The following SDR42E1 variants were observed in gnomAD, a reference collection of about 807,000 sequenced individuals.
The protein encoded by SDR42E1 is short chain dehydrogenase/reductase family 42E, member 1.
Under a neutral mutation model 2.6 loss-of-function variants are expected in SDR42E1, and 5 were observed. That is an observed-to-expected ratio of 1.94 (90% CI 1.01 to 4.08). The LOEUF (loss-of-function observed/expected upper bound fraction) is 4.08. SDR42E1 is among the 30% of genes most tolerant of loss of function. The pLI is 0.00. For missense variants in SDR42E1, 596 were observed against 478.6 expected (o/e 1.25, Z -2.29); for synonymous variants, 231 against 188.3 (o/e 1.23, Z -1.86).
rs564804072 is a variant in SDR42E1 at position 82,005,631 on chromosome 16, CTGTTT to C, written c.-26-4752_-26-4748del. Among the ~76,000 whole-genome samples the C allele has an allele frequency of 1.9e-3, 288 of 152,324 alleles. 2 individuals carry two copies. The highest frequency in any genetic ancestry group is 3.6e-3 in the Admixed American group (55 of 15,300). On this transcript the variant is annotated intron_variant, in intron 1 of 2. Transcript: ENST00000328945. Reference sequence around the variant, plus strand: ...CTGATTTTCATCTACTCTGTGGCTTCTGTTTTATTAATTAGTTTCTATCTGATTCC... The same window carrying C: ...CTGATTTTCATCTACTCTGTGGCTTCTATTAATTAGTTTCTATCTGATTCC...
rs200423929 is a variant in SDR42E1, at chr16:81,999,140, G to A, written c.1153C>T (p.Leu385=). ...FLLIIAVLMW[L]PSSVILSL ...AGTGACAGAATCACAGAAGAAGGCAGCCACATGAGAACTGCTATAATCAGG... is the reference window on the plus strand; with the variant it reads ...AGTGACAGAATCACAGAAGAAGGCAACCACATGAGAACTGCTATAATCAGG... Residue 385 remains leucine, a synonymous_variant, in exon 3 of 3, where the codon CTG becomes TTG. Transcript: ENST00000328945. 3.7e-6 allele frequency: 6 copies of A among 1,614,040 alleles called. No homozygotes were observed. The highest frequency in any genetic ancestry group is 5.1e-6 in the Non-Finnish European group (6 of 1,179,980).
In SDR42E1 at chr16:81,999,385, C is replaced by G. The variant is rs201484507; in HGVS notation, c.908G>C (p.Arg303Pro). The change falls in exon 3 of 3, where the codon CGA (arginine) becomes CCA (proline). Residue 303 changes from arginine (R) to proline (P), a missense_variant. Arg to Pro is a moderately radical substitution (Grantham distance 103). Coordinates refer to ENST00000328945, the MANE Select transcript of SDR42E1 (RefSeq NM_145168.3). The stretch of plus-strand genomic sequence containing the variant: ...GAGGAAGGGCTGGAAGTTGTAGAGT[C>G]GACCCAAAATGAAGTGAACCATCTC... ...LTEMVHFILG[R>P]LYNFQPFLTR... is the part of the protein sequence containing the mutation. 6 of 1,614,140 alleles carry G rather than the reference C, an allele frequency of 3.7e-6. No individual in the cohort carries two copies. In the East Asian group the frequency reaches 1.3e-4, roughly 36 times the overall value.
At chr16:82,002,211 G>A (rs1466207308) in intron 1 of SDR42E1, among the ~76,000 whole-genome samples, 1 of 152,214 alleles carries the variant, frequency 6.6e-6, no homozygotes, top group African/African-American at 2.4e-5. Flanking sequence ...TTGTATGGCA[G>A]AGAGGCTATG....
rs897524570 is a variant in SDR42E1 at position 81,999,523 on chromosome 16, C to T, written c.770G>A (p.Gly257Asp). ...ASGQPYFISD[G>D]RPVNNFEFFR... ...GAACTCAAAGTTGTTCACGGGTCTGCCATCTGAGATGAAGTAGGGCTGCCC... is the reference window on the plus strand; with the variant it reads ...GAACTCAAAGTTGTTCACGGGTCTGTCATCTGAGATGAAGTAGGGCTGCCC... The change falls in exon 3 of 3, where the codon GGC becomes GAC. Residue 257 changes from glycine to aspartate, a missense_variant. Coordinates refer to ENST00000328945, the MANE Select transcript of SDR42E1 (RefSeq NM_145168.3). The T allele has an allele frequency of 6.2e-7, 1 of 1,614,156 alleles. No homozygotes were observed. The highest frequency in any genetic ancestry group is 8.5e-7 in the Non-Finnish European group (1 of 1,180,026).
chr16:82,000,994 G>A (rs776573582), intron 1 of SDR42E1, 110 bp from the exon 2 acceptor site: 4 of 666,794 alleles, frequency 6.0e-6, no homozygotes, highest in African/African-American at 1.8e-5. Context: ...GAATGAAAAG[G>A]TGAGGTCTGG....
rs1912409995 is a variant in SDR42E1 at position 81,990,865 on chromosome 16, T to C, written c.*8246A>G. ...GACACTTCCACTGTGAAGTGCTTTGTAAAAAGTTCACCCTTCTTTGGGAGA... is the reference window on the plus strand; with the variant it reads ...GACACTTCCACTGTGAAGTGCTTTGCAAAAAGTTCACCCTTCTTTGGGAGA... On this transcript the variant is annotated 3_prime_UTR_variant, in exon 3 of 3. Transcript: ENST00000328945. 2.0e-5 allele frequency: 3 copies of C among 152,200 alleles called. No individual in the cohort carries two copies. Among genetic ancestry groups the C allele is most frequent in the South Asian group, 4.1e-4 (2 of 4,832 alleles). 9.4% of individuals were successfully genotyped at this position (152,200 alleles called of 1,614,324 possible).
chr16:82,003,333 TAGA>T (rs1912831575), intron 1 of SDR42E1, among the ~76,000 whole-genome samples: 1 of 152,230 alleles, frequency 6.6e-6, no homozygotes, highest in African/African-American at 2.4e-5. Flanking sequence ...CATTTGGATT[TAGA>T]GTAGCCATAA....
At position 81,992,182 on chromosome 16, in the gene SDR42E1, G is replaced by A. The variant is rs1315320722; in HGVS notation, c.*6929C>T. On this transcript the variant is annotated 3_prime_UTR_variant, in exon 3 of 3. Transcript: ENST00000328945. ...AAAAAAAAGAAAAAAAAATTAGAAA[G>A]CCTTATCCTGAGTAAACTCTCAACA... The A allele has an allele frequency of 6.6e-6, 1 of 152,194 alleles. No homozygotes were observed. The highest frequency in any genetic ancestry group is 2.4e-5 in the African/African-American group (1 of 41,434). The allele number at this position is 152,194 out of a possible 1,614,324, so 9.4% of individuals were successfully genotyped here.
At position 81,992,934 on chromosome 16, in the gene SDR42E1, G is replaced by C. The variant is rs1267711736; in HGVS notation, c.*6177C>G. ...CAGGGACTGGTTGACTCTATTTCTG[G>C]TTTGATTTTCAATAGCAAAAGGCTG... On this transcript the variant is annotated 3_prime_UTR_variant, in exon 3 of 3. Transcript: ENST00000328945. 1 of 152,090 alleles carries C rather than the reference G, an allele frequency of 6.6e-6. No homozygotes were observed. Among genetic ancestry groups the C allele is most frequent in the Non-Finnish European group, 1.5e-5 (1 of 68,030 alleles). 9.4% of individuals were successfully genotyped at this position (152,090 alleles called of 1,614,324 possible).
Position 81,989,050 on chromosome 16 carries a change from T to C in SDR42E1, c.*10061A>G, listed in dbSNP as rs1338591615. The C allele has an allele frequency of 6.6e-6, 1 of 152,150 alleles. No homozygotes were observed. Among genetic ancestry groups the C allele is most frequent in the Admixed American group, 6.5e-5 (1 of 15,276 alleles). The allele number at this position is 152,150 out of a possible 1,614,324, so 9.4% of individuals were successfully genotyped here. On this transcript the variant is annotated 3_prime_UTR_variant, in exon 3 of 3. Coordinates refer to ENST00000328945, the MANE Select transcript of SDR42E1 (RefSeq NM_145168.3). ...TTCATATAACTATGTGTCTTATATA[T>C]AGGGTGATCGTACAATTTATTATAC...
chr16:82,000,523 A>G (rs1396222051), intron 2 of SDR42E1: 4 of 589,124 alleles, frequency 6.8e-6, no homozygotes, highest in Non-Finnish European at 1.2e-5. Flanking sequence ...GAATAATAAG[A>G]TAACTGTGAA....
rs1421355649 is a variant in SDR42E1 at position 81,991,656 on chromosome 16, A to T, written c.*7455T>A. The T allele has an allele frequency of 6.6e-6, 1 of 150,654 alleles. No homozygotes were observed. The highest frequency in any genetic ancestry group is 1.5e-5 in the Non-Finnish European group (1 of 67,922). The allele number at this position is 150,654 out of a possible 1,614,324, so 9.3% of individuals were successfully genotyped here. On this transcript the variant is annotated 3_prime_UTR_variant, in exon 3 of 3. Coordinates refer to ENST00000328945, the MANE Select transcript of SDR42E1 (RefSeq NM_145168.3). Reference sequence around the variant, plus strand: ...AGCCCAGGAGTTCGAGCCAACAGTGAGCCATGACTGTGCCACTGTACTCTA... The same window carrying T: ...AGCCCAGGAGTTCGAGCCAACAGTGTGCCATGACTGTGCCACTGTACTCTA...
Position 81,996,212 on chromosome 16 carries a change from C to G in SDR42E1, c.*2899G>C, listed in dbSNP as rs1264578737. The G allele has an allele frequency of 6.6e-6, 1 of 152,188 alleles. No homozygotes were observed. The highest frequency in any genetic ancestry group is 1.9e-4 in the East Asian group (1 of 5,190). 9.4% of individuals were successfully genotyped at this position (152,188 alleles called of 1,614,324 possible). ...AAAGATTTGCACCTTTATAGAGTCT[C>G]TTGGCTAGGCATGTGGAGAATGGAC... On this transcript the variant is annotated 3_prime_UTR_variant, in exon 3 of 3. Transcript: ENST00000328945.
chr16:82,000,955 C>A, intron 1 of SDR42E1, 71 bp from the exon 2 acceptor site: 5 of 1,053,218 alleles, frequency 4.7e-6, no homozygotes, highest in Admixed American at 4.4e-5. Flanking sequence ...TTTGACCTAA[C>A]AAAAACAAAA....
Position 81,990,696 on chromosome 16 carries a change from G to T in SDR42E1, c.*8415C>A, listed in dbSNP as rs1225667932. The T allele has an allele frequency of 2.6e-5, 4 of 152,182 alleles. No homozygotes were observed. The East Asian group carries it at 7.7e-4, about 29-fold the overall frequency. 9.4% of individuals were successfully genotyped at this position (152,182 alleles called of 1,614,324 possible). A position where few individuals can be genotyped will look rare whatever the true frequency, so the allele number is the denominator to read the frequency against. ...AGAGGCATTTGCTCAAAGTCACATT[G>T]CAAATAAGAGATGGCTCCAGGACAG... On this transcript the variant is annotated 3_prime_UTR_variant, in exon 3 of 3. Coordinates refer to ENST00000328945, the MANE Select transcript of SDR42E1 (RefSeq NM_145168.3).
At chr16:82,008,999 A>C (rs1597182622) in intron 1 of SDR42E1, among the ~76,000 whole-genome samples, 1 of 152,308 alleles carries the variant, frequency 6.6e-6, no homozygotes, top group Non-Finnish European at 1.5e-5. Context: ...GCCAAGGTAC[A>C]GCTCAAACTG....
At chr16:82,010,237 G>T (rs1567568253) in intron 1 of SDR42E1, among the ~76,000 whole-genome samples, 1 of 152,206 alleles carries the variant, frequency 6.6e-6, no homozygotes, top group African/African-American at 2.4e-5. Flanking sequence ...TTCCGAAGTT[G>T]TTACTAGTAT....
intron 1 of SDR42E1, among the ~76,000 whole-genome samples, chr16:82,010,269 A>G (rs1305802259): frequency 6.6e-6 from 1 of 152,238 alleles, no homozygotes; most frequent in East Asian, 1.9e-4. Flanking sequence ...TTCAGAAATG[A>G]GGAAAATAGA....
chr16:82,006,276 G>C (rs1404548973), intron 1 of SDR42E1, among the ~76,000 whole-genome samples: 1 of 152,200 alleles, frequency 6.6e-6, no homozygotes, highest in Non-Finnish European at 1.5e-5. Context: ...CACTGTACAA[G>C]TGCTGACCAG....
Sources: allele counts gnomAD v4.1 joint callset (sites outside exome capture counted in the v4.1 genomes callset), GRCh38; gene constraint gnomAD v4.1.1; transcripts MANE v1.5; gene names NCBI Gene and HGNC (gene_info 2026-07-23, HGNC 2026-07-21).